TXLNB: variants seen among roughly 807,000 people sequenced by gnomAD.
TXLNB encodes taxilin beta, also known as beta-taxilin.
In TXLNB, 37 loss-of-function variants were observed where a neutral mutation model predicts 57.4. The ratio of observed to expected loss-of-function variants is 0.64; its 90% CI spans 0.50 to 0.85. The LOEUF is 0.85. Among genes scored for constraint, TXLNB ranks in the 40% least tolerant of loss-of-function variants. The probability of loss-of-function intolerance (pLI) is 0.00; values close to 1 mark genes in which losing one functional copy is unlikely to be tolerated. For missense variants in TXLNB, 848 were observed against 825.6 expected, an observed-to-expected ratio of 1.03 and a Z score of -0.33; for synonymous variants, 302 against 309.6, an observed-to-expected ratio of 0.98 and a Z score of 0.26.
chr6:139,220,388 C>A, the TXLNB span, among the ~76,000 whole-genome samples: 1 of 152,202 alleles, frequency 6.6e-6, no homozygotes, highest in African/African-American at 2.4e-5. Flanking sequence ...TGATGGGAAA[C>A]CACAAGTCAC....
At chr6:139,191,268 C>T in the TXLNB span, among the ~76,000 whole-genome samples, 3 of 152,064 alleles carry the variant, frequency 2.0e-5, no homozygotes, top group African/African-American at 7.2e-5. Context: ...AAAATACAAA[C>T]TTAGCCGGGC....
the TXLNB span, among the ~76,000 whole-genome samples, chr6:139,223,388 G>A: frequency 6.6e-6 from 1 of 151,992 alleles, no homozygotes; most frequent in African/African-American, 2.4e-5. Flanking sequence ...CTCAAGAAAT[G>A]AGAAAAAGAA....
the TXLNB span, among the ~76,000 whole-genome samples, chr6:139,320,360 A>G: frequency 5.3e-5 from 8 of 152,320 alleles, no homozygotes; most frequent in South Asian, 1.7e-3. Flanking sequence ...GGAAACCACA[A>G]GGAATATTTA....
the TXLNB span, among the ~76,000 whole-genome samples, chr6:139,184,755 G>A: frequency 1.3e-5 from 2 of 152,204 alleles, no homozygotes; most frequent in Non-Finnish European, 2.9e-5. Flanking sequence ...TCCTCTAGGT[G>A]TGTTTAATTT....
rs929070992 is a variant in TXLNB, at chr6:139,287,741, A to G, written c.424+735T>C. Among the ~76,000 whole-genome samples the G allele has an allele frequency of 2.0e-5, 3 of 152,364 alleles. No individual in the cohort carries two copies. In the East Asian group the frequency reaches 5.8e-4, roughly 29 times the overall value. ...CTATGTACAGTAACATGCTTCACTC[A>G]TAGTTTTAAAAATTAACGTTCTCAC... On this transcript the variant is annotated intron_variant, in intron 2 of 9. Coordinates refer to ENST00000358430, the MANE Select transcript of TXLNB (RefSeq NM_153235.4).
intron 7 of TXLNB, 42 bp from the exon 8 acceptor site, chr6:139,247,951 G>A: frequency 8.6e-7 from 1 of 1,169,204 alleles, no homozygotes; most frequent in Non-Finnish European, 1.2e-6. Flanking sequence ...AATACTTCCA[G>A]AAGAAAACAT....
chr6:139,184,099 A>C, the TXLNB span, among the ~76,000 whole-genome samples: 1 of 152,230 alleles, frequency 6.6e-6, no homozygotes, highest in African/African-American at 2.4e-5. Flanking sequence ...ATGAGCAGAC[A>C]TGGCTGCTTA....
chr6:139,263,493 C>T (rs1046583008), intron 4 of TXLNB, among the ~76,000 whole-genome samples: 1 of 152,126 alleles, frequency 6.6e-6, no homozygotes, highest in African/African-American at 2.4e-5. Context: ...AGTTTCAAAT[C>T]TTCTTTAACT....
intron 6 of TXLNB, among the ~76,000 whole-genome samples, chr6:139,259,200 G>T (rs1277324440): frequency 6.6e-6 from 1 of 152,070 alleles, no homozygotes; most frequent in African/African-American, 2.4e-5. Flanking sequence ...TTGTCCCTCT[G>T]CAGTCTATTT....
At chr6:139,218,957 T>C in the TXLNB span, among the ~76,000 whole-genome samples, 2 of 152,178 alleles carry the variant, frequency 1.3e-5, no homozygotes, top group Admixed American at 1.3e-4. Flanking sequence ...TCTTTGAGTA[T>C]ATTTTGTCAA....
chr6:139,238,470 C>T (rs1430341552), downstream of TXLNB, among the ~76,000 whole-genome samples: 4 of 152,142 alleles, frequency 2.6e-5, no homozygotes, highest in African/African-American at 9.7e-5. Flanking sequence ...AAATTTTATA[C>T]CTCCGTATTT....
At chr6:139,243,413 C>A in intron 9 of TXLNB, 99 bp from the exon 10 acceptor site, 1 of 1,320,448 alleles carries the variant, frequency 7.6e-7, no homozygotes, top group East Asian at 2.5e-5. Context: ...ACTATTTGTC[C>A]CAGAATTTGT....
the TXLNB span, among the ~76,000 whole-genome samples, chr6:139,226,474 T>C: frequency 6.6e-6 from 1 of 152,102 alleles, no homozygotes; most frequent in African/African-American, 2.4e-5. Context: ...AATTGATAAA[T>C]TCTTTTAATC....
chr6:139,266,235 CAAAAG>C (rs1449984044), intron 4 of TXLNB, among the ~76,000 whole-genome samples: 3 of 152,048 alleles, frequency 2.0e-5, no homozygotes, highest in African/African-American at 7.2e-5. Flanking sequence ...GGCCTATTCT[CAAAAG>C]AAAAGACAAT....
the TXLNB span, among the ~76,000 whole-genome samples, chr6:139,300,072 C>T: frequency 6.6e-6 from 1 of 152,146 alleles, no homozygotes; most frequent in Non-Finnish European, 1.5e-5. Flanking sequence ...AAGTTCTTCT[C>T]TCCCTTACGT....
the TXLNB span, among the ~76,000 whole-genome samples, chr6:139,313,337 G>A: frequency 6.6e-6 from 1 of 152,088 alleles, no homozygotes; most frequent in South Asian, 2.1e-4. Context: ...CTCCCAAAGT[G>A]TTGGGATTAC....
intron 7 of TXLNB, among the ~76,000 whole-genome samples, chr6:139,250,163 T>C (rs1776162374): frequency 6.8e-6 from 1 of 147,762 alleles, no homozygotes; most frequent in Admixed American, 6.8e-5. Flanking sequence ...TACAGGCACA[T>C]GCCCCATGTC....
the TXLNB span, among the ~76,000 whole-genome samples, chr6:139,306,402 G>A: frequency 6.6e-6 from 1 of 152,206 alleles, no homozygotes; most frequent in Admixed American, 6.5e-5. Context: ...GGACGCTCCA[G>A]AGACACAGCC....
At chr6:139,173,766 C>CTTTT in the TXLNB span, among the ~76,000 whole-genome samples, 5 of 152,290 alleles carry the variant, frequency 3.3e-5, no homozygotes, top group African/African-American at 1.2e-4. Context: ...CATGTTGTAA[C>CTTTT]TTTTAAGAGC....
Sources: allele counts gnomAD v4.1 joint callset (sites outside exome capture counted in the v4.1 genomes callset), GRCh38; gene constraint gnomAD v4.1.1; transcripts MANE v1.5; gene names NCBI Gene and HGNC (gene_info 2026-07-23, HGNC 2026-07-21).